The following GPSM2 variants were observed in gnomAD, a reference collection of about 807,000 sequenced individuals.
GPSM2 encodes G protein signaling modulator 2.
In GPSM2, 58 loss-of-function variants were observed where a neutral mutation model predicts 78.4. The ratio of observed to expected loss-of-function variants is 0.74; its 90% confidence interval spans 0.60 to 0.92. The LOEUF is 0.92. Among genes scored for constraint, GPSM2 ranks in the 40% least tolerant of loss-of-function variants. The pLI, the probability that GPSM2 is intolerant of heterozygous loss-of-function variation, is 0.00. For missense variants in GPSM2, 700 were observed against 815.5 expected (o/e 0.86, Z 1.73); for synonymous variants, 224 against 280.2 (o/e 0.80, Z 2.00).
intron 10 of GPSM2, among the ~76,000 whole-genome samples, chr1:108,905,373 T>G (rs1160280771): frequency 6.6e-6 from 1 of 152,228 alleles, no homozygotes; most frequent in African/African-American, 2.4e-5. Context: ...TTGCCTCCCT[T>G]TCTCTCTTCA....
intron 1 of GPSM2, among the ~76,000 whole-genome samples, chr1:108,879,948 A>G (rs370673758): frequency 6.6e-6 from 1 of 152,234 alleles, no homozygotes; most frequent in East Asian, 1.9e-4. Context: ...CCTGGAACAC[A>G]TTCTGTGCAT....
intron 2 of GPSM2, among the ~76,000 whole-genome samples, chr1:108,893,792 C>A (rs912551783): frequency 6.6e-6 from 1 of 152,166 alleles, no homozygotes; most frequent in African/African-American, 2.4e-5. Context: ...CAGTGGCTCA[C>A]GCCTGTAATC....
chr1:108,928,988 CAAAAAAA>C (rs58261746), intron 14 of GPSM2, among the ~76,000 whole-genome samples: 5 of 104,608 alleles, frequency 4.8e-5, no homozygotes, highest in African/African-American at 7.4e-5. Flanking sequence ...GAATCCGTCT[CAAAAAAA>C]AAAAAAAAAA....
At chr1:108,902,077 T>C in intron 8 of GPSM2, 132 bp downstream of exon 8, 1 of 675,828 alleles carries the variant, frequency 1.5e-6, no homozygotes, top group East Asian at 2.8e-5. Context: ...TTCAGTGATA[T>C]CCTCTGTATA....
At chr1:108,924,278 T>G (rs1404085471) in intron 14 of GPSM2, 64 bp downstream of exon 14, 1 of 990,362 alleles carries the variant, frequency 1.0e-6, no homozygotes, top group Non-Finnish European at 1.6e-6. Context: ...ATTGGTAGTG[T>G]TATAATTCTC....
chr1:108,916,307 C>A (rs1268915779), intron 11 of GPSM2, among the ~76,000 whole-genome samples: 2 of 151,082 alleles, frequency 1.3e-5, no homozygotes, highest in Non-Finnish European at 1.5e-5. Flanking sequence ...ATTAAATATT[C>A]TTCTGCCCTA....
At chr1:108,923,450 T>C (rs1419070358) in intron 13 of GPSM2, among the ~76,000 whole-genome samples, 1 of 152,168 alleles carries the variant, frequency 6.6e-6, no homozygotes, top group Non-Finnish European at 1.5e-5. Context: ...GAAGACAGAC[T>C]GAAGAGAAAC....
rs777026077 is a variant in GPSM2, at chr1:108,898,992, C to T, written c.795C>T (p.Tyr265=). 5.4e-6 allele frequency: 8 copies of T among 1,477,770 alleles called. No individual in the cohort carries two copies. The East Asian group carries it at 1.1e-4, about 21-fold the overall frequency. The allele number at this position is 1,477,770 out of a possible 1,614,324, so 91.5% of individuals were successfully genotyped here. A position where few individuals can be genotyped will look rare whatever the true frequency, so the allele number is the denominator to read the frequency against. The change falls in exon 7 of 15, where the codon TAC becomes TAT. Residue 265 remains tyrosine, a splice_region_variant and synonymous_variant. Transcript: ENST00000264126. The stretch of plus-strand genomic sequence containing the variant: ...AATTTGAAACTGCCTCGGAATACTA[C>T]AAGTTAGTCTAATATTTCTGTAGAT... ...LGEFETASEY[Y]KKTLLLARQL...
chr1:108,916,795 A>G (rs1007063783), intron 11 of GPSM2, among the ~76,000 whole-genome samples: 3 of 152,226 alleles, frequency 2.0e-5, no homozygotes, highest in Non-Finnish European at 2.9e-5. Context: ...CTCATAATAA[A>G]GCTGTCAAAG....
At chr1:108,920,531 C>CT (rs935586272) in intron 12 of GPSM2, among the ~76,000 whole-genome samples, 85 of 148,572 alleles carry the variant, frequency 5.7e-4, no homozygotes, top group South Asian at 1.3e-3. Flanking sequence ...AAAAAAAAGC[C>CT]TTTTTTTTTT....
chr1:108,886,502 C>T (rs1215143517), intron 2 of GPSM2, among the ~76,000 whole-genome samples: 1 of 152,164 alleles, frequency 6.6e-6, no homozygotes, highest in African/African-American at 2.4e-5. Context: ...AGGGAAATGG[C>T]CTGGCTCCTC....
At position 108,931,734 on chromosome 1, in the gene GPSM2, C is replaced by T; in HGVS notation, c.*1794C>T. ...GCATTTTAAAAACTCAGGTAAGTTT[C>T]ATGGGGTTCTTATAAGAAAATTCAG... On this transcript the variant is annotated 3_prime_UTR_variant, in exon 15 of 15. Transcript: ENST00000264126. 1 of 344,312 alleles carries T rather than the reference C, an allele frequency of 2.9e-6. No individual in the cohort carries two copies. The highest frequency in any genetic ancestry group is 9.3e-5 in the South Asian group (1 of 10,724). 21.3% of individuals were successfully genotyped at this position (344,312 alleles called of 1,614,324 possible). A position where few individuals can be genotyped will look rare whatever the true frequency, so the allele number is the denominator to read the frequency against.
chr1:108,903,070 CT>C, intron 8 of GPSM2, 55 bp from the exon 9 acceptor site: 2 of 1,032,946 alleles, frequency 1.9e-6, no homozygotes, highest in Non-Finnish European at 3.1e-6. Flanking sequence ...AGCTTTTATT[CT>C]ATACATAGGA....
chr1:108,918,831 C>A, intron 12 of GPSM2, 42 bp downstream of exon 12: 1 of 1,355,998 alleles, frequency 7.4e-7, no homozygotes, highest in South Asian at 1.2e-5. Context: ...TTTTGAGTAC[C>A]GACATTTGGG....
At chr1:108,917,486 G>A (rs1003188810) in intron 11 of GPSM2, among the ~76,000 whole-genome samples, 2 of 150,474 alleles carry the variant, frequency 1.3e-5, no homozygotes, top group African/African-American at 4.9e-5. Flanking sequence ...AGAATCATTT[G>A]AACCTGGGAG....
Position 108,917,525 on chromosome 1 carries a change from C to T in GPSM2, c.1264-1088C>T, listed in dbSNP as rs183151245. 1.6e-3 allele frequency among the ~76,000 whole-genome samples: 239 copies of T among 147,774 alleles called. 1 individual carries two copies. Among genetic ancestry groups the T allele is most frequent in the Admixed American group, 4.6e-3 (66 of 14,460 alleles). On this transcript the variant is annotated intron_variant, in intron 11 of 14. Transcript: ENST00000264126. ...GAGGTTGCAGTGAGCCGAGATCGTG[C>T]CACTGCACTCCAGCCTGGCAACAGA...
intron 10 of GPSM2, among the ~76,000 whole-genome samples, chr1:108,908,157 G>A (rs748850508): frequency 6.6e-6 from 1 of 152,184 alleles, no homozygotes; most frequent in Non-Finnish European, 1.5e-5. Flanking sequence ...GGATCATGAG[G>A]TCAGGAGATC....
At chr1:108,883,998 G>A (rs555323375) in intron 1 of GPSM2, among the ~76,000 whole-genome samples, 22 of 152,054 alleles carry the variant, frequency 1.4e-4, no homozygotes, top group Admixed American at 1.4e-3. Context: ...TGCAACCTCC[G>A]CCTCCCGGGT....
chr1:108,917,353 G>A (rs921984249), intron 11 of GPSM2, among the ~76,000 whole-genome samples: 14 of 151,746 alleles, frequency 9.2e-5, no homozygotes, highest in Non-Finnish European at 1.6e-4. Context: ...GGATCACGAG[G>A]TCAAGAGATC....
Sources: gnomAD v4.1 joint callset for allele counts (sites outside exome capture counted in the v4.1 genomes callset) on GRCh38, gnomAD v4.1.1 for gene constraint, MANE v1.5 for transcripts, NCBI Gene and HGNC (gene_info 2026-07-23, HGNC 2026-07-21) for gene names.